RASSF8: variants seen among roughly 807,000 people sequenced by gnomAD.
RASSF8 encodes Ras association domain family member 8.
RASSF8 carries 22 observed loss-of-function variants against 48.5 expected under a neutral mutation model. That is an observed-to-expected ratio of 0.45 (90% CI 0.32 to 0.65). The LOEUF is 0.65. Ranked by LOEUF, RASSF8 falls within the 30% of genes least tolerant of loss-of-function variation. RASSF8 has a pLI of 0.03. For synonymous variants in RASSF8, 127 were observed against 171.5 expected, an observed-to-expected ratio of 0.74 and a Z score of 2.03; for missense variants, 418 against 489.2, an observed-to-expected ratio of 0.85 and a Z score of 1.37.
At chr12:25,958,288 C>G (rs547101810), upstream of RASSF8, 1 of 151,850 alleles carries the variant, frequency 6.6e-6, no homozygotes, top group African/African-American at 2.4e-5. Context: ...CCCGTGGGAC[C>G]GTCACGAGCC....
chr12:25,971,634 G>C (rs978933675), intron 1 of RASSF8, among the ~76,000 whole-genome samples: 1 of 152,162 alleles, frequency 6.6e-6, no homozygotes, highest in Admixed American at 6.5e-5. Flanking sequence ...TTTCCAATGA[G>C]CTTTCTTTTT....
chr12:26,078,942 C>T, intron 5 of RASSF8: 1 of 1,223,644 alleles, frequency 8.2e-7, no homozygotes, highest in Non-Finnish European at 1.1e-6. Context: ...CAAACTAAAG[C>T]TAGTAATTGA....
intron 2 of RASSF8, among the ~76,000 whole-genome samples, chr12:26,025,651 T>G (rs1191785330): frequency 6.6e-6 from 1 of 151,736 alleles, no homozygotes; most frequent in East Asian, 1.9e-4. Flanking sequence ...TGGAAAAATC[T>G]TAAGGAATTC....
chr12:26,060,699 C>A (rs1439498589), intron 3 of RASSF8, among the ~76,000 whole-genome samples: 1 of 152,054 alleles, frequency 6.6e-6, no homozygotes, highest in Non-Finnish European at 1.5e-5. Context: ...GCATAAGAGT[C>A]CTGGACTGTG....
chr12:26,065,928 T>C (rs1943863713), intron 4 of RASSF8, among the ~76,000 whole-genome samples: 1 of 152,206 alleles, frequency 6.6e-6, no homozygotes, highest in African/African-American at 2.4e-5. Flanking sequence ...ATTTTGCCAC[T>C]TAAACCCTAA....
downstream of RASSF8, among the ~76,000 whole-genome samples, chr12:26,073,462 C>T (rs61298775): frequency 6.3e-3 from 963 of 152,212 alleles, 14 homozygotes; most frequent in African/African-American, 0.022. Flanking sequence ...GAGGGCCGGG[C>T]GCAGTGGCTC....
rs1450149841 is a variant in RASSF8 at position 25,958,892 on chromosome 12, C to G, written c.-459C>G. On this transcript the variant is annotated 5_prime_UTR_variant, in exon 1 of 6. Transcript: ENST00000689635. ...GCGTCTCTGCCGCTGGCCGAGCGCT[C>G]GCGCACCGCGGCACCCCCGCCAGTG... 6.8e-6 allele frequency: 1 copy of G among 147,020 alleles called. No homozygotes were observed. Among genetic ancestry groups the G allele is most frequent in the African/African-American group, 2.4e-5 (1 of 40,962 alleles). The allele number at this position is 147,020 out of a possible 1,614,324, so 9.1% of individuals were successfully genotyped here.
intron 2 of RASSF8, among the ~76,000 whole-genome samples, chr12:26,010,772 G>A (rs1942504468): frequency 6.6e-6 from 1 of 152,102 alleles, no homozygotes; most frequent in African/African-American, 2.4e-5. Context: ...GGCGGGGAAT[G>A]ATTGATTCTG....
downstream of RASSF8, among the ~76,000 whole-genome samples, chr12:26,074,897 G>T (rs1004513403): frequency 1.3e-5 from 2 of 152,172 alleles, no homozygotes; most frequent in African/African-American, 4.8e-5. Context: ...TGGTTGCCAT[G>T]GTAAGGAGTT....
At position 26,050,296 on chromosome 12, in the gene RASSF8, G is replaced by A. The variant is rs1943464403; in HGVS notation, c.-108-4940G>A. 1.3e-5 allele frequency among the ~76,000 whole-genome samples: 2 copies of A among 152,132 alleles called. 1 individual carries two copies. The highest frequency in any genetic ancestry group is 4.1e-4 in the South Asian group (2 of 4,834). On this transcript the variant is annotated intron_variant, in intron 2 of 5. Transcript: ENST00000689635. ...TTCAGATGCTCTTATTAGTATAAATGTTTCTGAAAATTTGCATTGCTATTG... is the reference window on the plus strand; with the variant it reads ...TTCAGATGCTCTTATTAGTATAAATATTTCTGAAAATTTGCATTGCTATTG...
At chr12:26,007,636 G>T (rs564689837) in intron 2 of RASSF8, among the ~76,000 whole-genome samples, 1 of 152,302 alleles carries the variant, frequency 6.6e-6, no homozygotes, top group South Asian at 2.1e-4. Context: ...AGTAGCCTCT[G>T]CAAAGCCCAG....
intron 3 of RASSF8, among the ~76,000 whole-genome samples, chr12:26,062,173 TA>T (rs886322559): frequency 2.0e-5 from 3 of 152,038 alleles, no homozygotes; most frequent in Non-Finnish European, 1.5e-5. Flanking sequence ...CAGAGAAGAG[TA>T]AGATTCCTAA....
chr12:26,053,507 G>T (rs1943537971), intron 2 of RASSF8, among the ~76,000 whole-genome samples: 1 of 152,158 alleles, frequency 6.6e-6, no homozygotes, highest in Admixed American at 6.5e-5. Context: ...TCTAGATTGG[G>T]CAGCATATAA....
At position 26,072,771 on chromosome 12, in the gene RASSF8, C is replaced by A; in HGVS notation, c.*3953C>A. On this transcript the variant is annotated 3_prime_UTR_variant, in exon 6 of 6. Coordinates refer to ENST00000689635, the MANE Select transcript of RASSF8 (RefSeq NM_001394098.1). ...TGTAATTATCCTTTTCTTTGACTTT[C>A]ATTTTAAATGTATATTTTCTGATCA... The A allele has an allele frequency of 1.1e-6, 1 of 930,734 alleles. No homozygotes were observed. The highest frequency in any genetic ancestry group is 1.3e-6 in the Non-Finnish European group (1 of 780,330). The allele number at this position is 930,734 out of a possible 1,614,324, so 57.7% of individuals were successfully genotyped here.
chr12:25,970,803 TAC>T (rs1447185995), intron 1 of RASSF8, among the ~76,000 whole-genome samples: 2 of 152,202 alleles, frequency 1.3e-5, no homozygotes. Context: ...CCAACAGGAC[TAC>T]ATTAATAAGA....
intron 2 of RASSF8, among the ~76,000 whole-genome samples, chr12:26,033,664 G>A (rs61622173): frequency 0.066 from 9,966 of 152,070 alleles, 728 homozygotes; most frequent in East Asian, 0.26. Flanking sequence ...AGAAAGAAAC[G>A]TAGAGCCAAG....
At chr12:26,076,460 C>A (rs368658937), downstream of RASSF8, among the ~76,000 whole-genome samples, 14 of 152,296 alleles carry the variant, frequency 9.2e-5, no homozygotes, top group South Asian at 2.7e-3. Context: ...GTTCCCCACC[C>A]TGTGTCCAAG....
intron 1 of RASSF8, among the ~76,000 whole-genome samples, chr12:25,986,602 A>G (rs774734781): frequency 3.3e-5 from 5 of 152,138 alleles, no homozygotes; most frequent in African/African-American, 4.8e-5. Flanking sequence ...AGAGCAGCTT[A>G]CTTCTTCTTA....
intron 1 of RASSF8, among the ~76,000 whole-genome samples, chr12:25,979,734 C>T (rs1300985896): frequency 1.3e-5 from 2 of 152,228 alleles, no homozygotes; most frequent in African/African-American, 4.8e-5. Flanking sequence ...TTTTAACTAA[C>T]ATTCCATGCT....
Sources: allele counts gnomAD v4.1 joint callset (sites outside exome capture counted in the v4.1 genomes callset), GRCh38; gene constraint gnomAD v4.1.1; transcripts MANE v1.5; gene names NCBI Gene and HGNC (gene_info 2026-07-23, HGNC 2026-07-21).